ALX3: variants seen among roughly 807,000 people sequenced by gnomAD.
ALX3 encodes ALX homeobox 3, also known as homeobox protein aristaless-like 3.
Under a neutral mutation model 26.3 loss-of-function variants are expected in ALX3, and 17 were observed. That is an observed-to-expected ratio of 0.65 (90% CI 0.44 to 0.97). The LOEUF (loss-of-function observed/expected upper bound fraction) is 0.97. ALX3 is among the 50% of genes least tolerant of loss of function. ALX3 has a pLI of 0.00. For synonymous variants in ALX3, 208 were observed against 201.4 expected, an observed-to-expected ratio of 1.03 and a Z score of -0.28; for missense variants, 461 against 466.5, an observed-to-expected ratio of 0.99 and a Z score of 0.11.
At chr1:110,061,327 C>G in intron 3 of ALX3, 108 bp downstream of exon 3, 1 of 1,524,542 alleles carries the variant, frequency 6.6e-7, no homozygotes, top group Non-Finnish European at 9.0e-7. Context: ...AAGTGGTGTA[C>G]CCACTGTCAT....
intron 1 of ALX3, among the ~76,000 whole-genome samples, chr1:110,066,337 G>A (rs1653782542): frequency 6.6e-6 from 1 of 152,206 alleles, no homozygotes; most frequent in African/African-American, 2.4e-5. Context: ...TGCCCAGCCT[G>A]TACACAGGCC....
chr1:110,070,481 G>A lies in ALX3; in HGVS notation c.132C>T (p.Arg44=), dbSNP rs1425820263. The change falls in exon 1 of 4, where the codon CGC becomes CGT. Residue 44 remains arginine, a synonymous_variant. Transcript: ENST00000647563. Reference sequence around the variant, plus strand: ...CCGGAAAGCGGGTCAGCCGCGGGCCGCGGGGCGGCGCGGGGTGCAGGTGAG... The same window carrying A: ...CCGGAAAGCGGGTCAGCCGCGGGCCACGGGGCGGCGCGGGGTGCAGGTGAG... ...AAPHLHPAPP[R]GPRLTRFPAC... The A allele has an allele frequency of 1.6e-6, 2 of 1,258,446 alleles. No homozygotes were observed. The highest frequency in any genetic ancestry group is 3.2e-5 in the East Asian group (1 of 31,710). The allele number at this position is 1,258,446 out of a possible 1,614,324, so 78.0% of individuals were successfully genotyped here. A position where few individuals can be genotyped will look rare whatever the true frequency, so the allele number is the denominator to read the frequency against.
chr1:110,069,516 G>A (rs974783178), intron 1 of ALX3, among the ~76,000 whole-genome samples: 2 of 152,186 alleles, frequency 1.3e-5, no homozygotes, highest in Non-Finnish European at 2.9e-5. Context: ...CTCGGATGCC[G>A]GCGCGGTCCA....
At position 110,061,583 on chromosome 1, in the gene ALX3, G is replaced by GT. The variant is rs1293426497; in HGVS notation, c.595-21dup. 5.0e-6 allele frequency: 8 copies of GT among 1,613,956 alleles called. No homozygotes were observed. The East Asian group carries it at 1.8e-4, about 36-fold the overall frequency. On this transcript the variant is annotated intron_variant, in intron 2 of 3. Transcript: ENST00000647563. Reference sequence around the variant, plus strand: ...CCAGACCTGGGGGCAGGTTGTGGGGGTTTGAGGGGGTGATAGGGCAGCCCT... The same window carrying GT: ...CCAGACCTGGGGGCAGGTTGTGGGGGTTTTGAGGGGGTGATAGGGCAGCCCT...
In ALX3 at chr1:110,061,354, C is replaced by T. The variant is rs1021928026; in HGVS notation, c.723+81G>A. 19 of 1,605,362 alleles carry T rather than the reference C, an allele frequency of 1.2e-5. No individual in the cohort carries two copies. The African/African-American group carries it at 1.6e-4, about 14-fold the overall frequency. On this transcript the variant is annotated intron_variant, in intron 3 of 3. Coordinates refer to ENST00000647563, the MANE Select transcript of ALX3 (RefSeq NM_006492.3). ...CACTGTCATACAGAACGCTGACGCT[C>T]TCCAGGTTTCTTCAGGCCAGACCTC... is the stretch of plus-strand genomic sequence containing the variant.
In ALX3 at chr1:110,060,647, C is replaced by G. The variant is rs9792865; in HGVS notation, c.*86G>C. 16 of 1,449,246 alleles carry G rather than the reference C, an allele frequency of 1.1e-5. No homozygotes were observed. The East Asian group carries it at 3.2e-4, about 29-fold the overall frequency. The allele number at this position is 1,449,246 out of a possible 1,614,324, so 89.8% of individuals were successfully genotyped here. Reference sequence around the variant, plus strand: ...CTGCTCTCGCAGCCTCCAGAACCATCTGGGGCTTGGAGGCAGAGGTGGGCT... The same window carrying G: ...CTGCTCTCGCAGCCTCCAGAACCATGTGGGGCTTGGAGGCAGAGGTGGGCT... On this transcript the variant is annotated 3_prime_UTR_variant, in exon 4 of 4. Coordinates refer to ENST00000647563, the MANE Select transcript of ALX3 (RefSeq NM_006492.3).
Position 110,070,475 on chromosome 1 carries a change from C to T in ALX3, c.138G>A (p.Pro46=). The T allele has an allele frequency of 7.9e-7, 1 of 1,258,638 alleles. No individual in the cohort carries two copies. Among genetic ancestry groups the T allele is most frequent in the Non-Finnish European group, 1.0e-6 (1 of 1,002,048 alleles). 78.0% of individuals were successfully genotyped at this position (1,258,638 alleles called of 1,614,324 possible). Residue 46 remains proline (P), a synonymous_variant, in exon 1 of 4, where the codon CCG becomes CCA. Coordinates refer to ENST00000647563, the MANE Select transcript of ALX3 (RefSeq NM_006492.3). ...PHLHPAPPRG[P]RLTRFPACGP... ...CGCAGGCCGGAAAGCGGGTCAGCCG[C>T]GGGCCGCGGGGCGGCGCGGGGTGCA...
At chr1:110,068,922 G>A (rs989422311) in intron 1 of ALX3, among the ~76,000 whole-genome samples, 1 of 152,206 alleles carries the variant, frequency 6.6e-6, no homozygotes, top group Non-Finnish European at 1.5e-5. Context: ...AGCGCTCTCT[G>A]CAGTTCGCGC....
intron 1 of ALX3, among the ~76,000 whole-genome samples, 161 bp downstream of exon 1, chr1:110,070,175 G>A (rs1653883763): frequency 6.6e-6 from 1 of 152,258 alleles, no homozygotes; most frequent in Non-Finnish European, 1.5e-5. Context: ...GCCCGGGCCA[G>A]CGCCAACCCG....
intron 3 of ALX3, 133 bp from the exon 4 acceptor site, chr1:110,061,174 C>G (rs1016308535): frequency 3.5e-6 from 4 of 1,131,690 alleles, no homozygotes; most frequent in Non-Finnish European, 5.1e-6. Flanking sequence ...GATCTACCCC[C>G]TCTCACCCCC....
chr1:110,064,616 G>A lies in ALX3; in HGVS notation c.565C>T (p.Arg189Cys), dbSNP rs760056467. 83 of 1,613,988 alleles carry A rather than the reference G, an allele frequency of 5.1e-5. No homozygotes were observed. The highest frequency in any genetic ancestry group is 8.0e-5 in the African/African-American group (6 of 74,940). The change falls in exon 2 of 4, where the codon CGC becomes TGC. Residue 189 changes from arginine to cysteine, a missense_variant. Transcript: ENST00000647563. Reference sequence around the variant, plus strand: ...ACCCGGGCCTCAGTCAGGTCTGTGCGCAGGGCCAGCTGCTCCCGGGCATAC... The same window carrying A: ...ACCCGGGCCTCAGTCAGGTCTGTGCACAGGGCCAGCTGCTCCCGGGCATAC... ...DVYAREQLALRTDLTEARVQV... is the reference protein window; with the variant it reads ...DVYAREQLALCTDLTEARVQV...
chr1:110,067,643 C>T (rs1653820599), intron 1 of ALX3, among the ~76,000 whole-genome samples: 2 of 152,232 alleles, frequency 1.3e-5, no homozygotes, highest in Non-Finnish European at 2.9e-5. Context: ...TCCATTGAGA[C>T]CGCGGGACCA....
chr1:110,066,974 C>T (rs979666034), intron 1 of ALX3, among the ~76,000 whole-genome samples: 3 of 152,214 alleles, frequency 2.0e-5, no homozygotes, highest in African/African-American at 7.2e-5. Context: ...CTATGCCCAA[C>T]TCCCATGCCT....
At chr1:110,065,397 G>T (rs555416881) in intron 1 of ALX3, among the ~76,000 whole-genome samples, 1 of 152,204 alleles carries the variant, frequency 6.6e-6, no homozygotes, top group Non-Finnish European at 1.5e-5. Flanking sequence ...GGCTGTGGAC[G>T]TGGGTGCTCA....
intron 2 of ALX3, chr1:110,062,622 T>TCACAACAGAAGAAAG (rs1653677972): frequency 1.4e-3 from 1 of 740 alleles, no homozygotes; most frequent in African/African-American, 0.028. Context: ...TGTGTGTGTG[T>TCACAACAGAAGAAAG]GTGTGTGTGT....
At chr1:110,069,211 C>T (rs764019021) in intron 1 of ALX3, among the ~76,000 whole-genome samples, 32 of 152,370 alleles carry the variant, frequency 2.1e-4, no homozygotes, top group South Asian at 1.4e-3. Context: ...CGTTCATTTC[C>T]TCCGTTGACC....
rs200224875 is a variant in ALX3 at position 110,061,084 on chromosome 1, G to A, written c.724-43C>T. On this transcript the variant is annotated intron_variant, in intron 3 of 3. Transcript: ENST00000647563. Reference sequence around the variant, plus strand: ...GAAGGCCCATGAGCCTGTAGCCTCAGGAGCTGACTTCCCTACCCAGGGGCT... The same window carrying A: ...GAAGGCCCATGAGCCTGTAGCCTCAAGAGCTGACTTCCCTACCCAGGGGCT... The A allele has an allele frequency of 1.2e-4, 187 of 1,566,802 alleles. No individual in the cohort carries two copies. The East Asian group carries it at 4.3e-3, about 36-fold the overall frequency.
intron 1 of ALX3, among the ~76,000 whole-genome samples, chr1:110,068,997 G>C (rs1434758539): frequency 6.6e-6 from 1 of 152,190 alleles, no homozygotes; most frequent in Non-Finnish European, 1.5e-5. Flanking sequence ...GCAGGGACGC[G>C]GGCCTGGGGG....
intron 1 of ALX3, among the ~76,000 whole-genome samples, chr1:110,067,130 A>G (rs1444784315): frequency 6.6e-6 from 1 of 152,174 alleles, no homozygotes; most frequent in Non-Finnish European, 1.5e-5. Context: ...GAGAACACAG[A>G]GCAGCCTCCT....
Sources: gnomAD v4.1 joint callset for allele counts (sites outside exome capture counted in the v4.1 genomes callset) on GRCh38, gnomAD v4.1.1 for gene constraint, MANE v1.5 for transcripts, NCBI Gene and HGNC (gene_info 2026-07-23, HGNC 2026-07-21) for gene names.